NSMCE2: variants seen among roughly 807,000 people sequenced by gnomAD.
The protein encoded by NSMCE2 is NSE2 SUMO ligase component of SMC5/6 complex, also known as E3 SUMO-protein ligase NSE2.
Under a neutral mutation model 23.8 loss-of-function variants are expected in NSMCE2, and 24 were observed. The ratio of observed to expected loss-of-function variants is 1.01; its 90% CI spans 0.73 to 1.42. The LOEUF (loss-of-function observed/expected upper bound fraction) is 1.42. Among genes scored for constraint, NSMCE2 ranks in the 40% most tolerant of loss-of-function variants. The pLI is 0.00. For synonymous variants in NSMCE2, 92 were observed against 94.1 expected, an observed-to-expected ratio of 0.98 and a Z score of 0.13; for missense variants, 284 against 296.5, an observed-to-expected ratio of 0.96 and a Z score of 0.31.
intron 5 of NSMCE2, among the ~76,000 whole-genome samples, chr8:125,334,062 T>G (rs767692437): frequency 1.3e-5 from 2 of 152,150 alleles, no homozygotes; most frequent in Non-Finnish European, 2.9e-5. Context: ...TGTCTGTACT[T>G]TCTCATCTGT....
intron 5 of NSMCE2, among the ~76,000 whole-genome samples, chr8:125,306,681 G>C (rs779851721): frequency 5.6e-4 from 85 of 152,116 alleles, no homozygotes; most frequent in Non-Finnish European, 1.1e-3. Flanking sequence ...GAATAACCCA[G>C]TCTCAATTTA....
intron 5 of NSMCE2, among the ~76,000 whole-genome samples, chr8:125,326,062 C>A (rs6651234): frequency 0.11 from 17,195 of 152,078 alleles, 1,024 homozygotes; most frequent in Non-Finnish European, 0.13. Flanking sequence ...TCGAGACCAT[C>A]CTGGATAACA....
chr8:125,267,003 C>CTTTTTTTTTT (rs35990794), intron 5 of NSMCE2, among the ~76,000 whole-genome samples: 3 of 111,988 alleles, frequency 2.7e-5, no homozygotes, highest in Admixed American at 1.1e-4. Flanking sequence ...TTTTTTCTTT[C>CTTTTTTTTTT]TTTTTTTTTT....
At chr8:125,276,468 A>G (rs946080831) in intron 5 of NSMCE2, among the ~76,000 whole-genome samples, 1 of 152,084 alleles carries the variant, frequency 6.6e-6, no homozygotes, top group Non-Finnish European at 1.5e-5. Context: ...TTTTTCTCAC[A>G]CTAATTTTTC....
At chr8:125,343,961 G>A (rs187518260) in intron 5 of NSMCE2, among the ~76,000 whole-genome samples, 48 of 152,282 alleles carry the variant, frequency 3.2e-4, no homozygotes, top group Admixed American at 5.2e-4. Context: ...AGCCGAGATC[G>A]CGCCACTGCA....
At chr8:125,235,572 G>A (rs1052125573) in intron 5 of NSMCE2, among the ~76,000 whole-genome samples, 1 of 151,762 alleles carries the variant, frequency 6.6e-6, no homozygotes. Context: ...ATAGATACAT[G>A]GAGTTATATT....
intron 5 of NSMCE2, among the ~76,000 whole-genome samples, chr8:125,322,737 C>T (rs1326195395): frequency 6.6e-6 from 1 of 152,198 alleles, no homozygotes. Flanking sequence ...GCTGCTAGAA[C>T]TAATACGTGA....
intron 3 of NSMCE2, among the ~76,000 whole-genome samples, chr8:125,123,336 A>G (rs1347074745): frequency 6.6e-6 from 1 of 152,182 alleles, no homozygotes; most frequent in African/African-American, 2.4e-5. Flanking sequence ...TTAGTTCCAC[A>G]ATATTTACTA....
chr8:125,108,927 A>G (rs1308270761), intron 3 of NSMCE2, among the ~76,000 whole-genome samples: 2 of 152,224 alleles, frequency 1.3e-5, no homozygotes, highest in African/African-American at 4.8e-5. Context: ...TTTGAACCTT[A>G]TCATTGGAAG....
chr8:125,106,100 A>C (rs963266520), intron 3 of NSMCE2, among the ~76,000 whole-genome samples: 5 of 152,114 alleles, frequency 3.3e-5, no homozygotes, highest in Non-Finnish European at 7.4e-5. Context: ...AGTCAAAATA[A>C]CAAAGTAGTC....
intron 4 of NSMCE2, among the ~76,000 whole-genome samples, chr8:125,166,822 A>G (rs1821903504): frequency 6.6e-6 from 1 of 152,186 alleles, no homozygotes; most frequent in African/African-American, 2.4e-5. Context: ...ACTTAGCACT[A>G]TTCCATCTCC....
rs150898484 is a variant in NSMCE2 at position 125,287,806 on chromosome 8, G to T, written c.419-69413G>T. Among the ~76,000 whole-genome samples, 333 of 152,192 alleles carry T rather than the reference G, an allele frequency of 2.2e-3. 1 individual carries two copies. Among genetic ancestry groups the T allele is most frequent in the African/African-American group, 7.3e-3 (304 of 41,528 alleles). Reference sequence around the variant, plus strand: ...GCCCGATCTCTTCCACCATTCCAGTGAATCCTCTCTGCAGAATATCTCCAG... The same window carrying T: ...GCCCGATCTCTTCCACCATTCCAGTTAATCCTCTCTGCAGAATATCTCCAG... On this transcript the variant is annotated intron_variant, in intron 5 of 7. Transcript: ENST00000287437.
chr8:125,311,421 T>C (rs763876985), intron 5 of NSMCE2, among the ~76,000 whole-genome samples: 1 of 152,228 alleles, frequency 6.6e-6, no homozygotes, highest in Non-Finnish European at 1.5e-5. Flanking sequence ...CCTTGGACTT[T>C]CAAAAACATA....
At chr8:125,110,762 GTTTTTTTTTTTTTT>G (rs1017002301) in intron 3 of NSMCE2, among the ~76,000 whole-genome samples, 3 of 41,826 alleles carry the variant, frequency 7.2e-5, no homozygotes, top group African/African-American at 1.1e-4. Context: ...GGTTGTTGTT[GTTTTTTTTTTTTTT>G]TTTTTTTTTT....
At chr8:125,231,121 G>A (rs920119850) in intron 5 of NSMCE2, among the ~76,000 whole-genome samples, 3 of 152,062 alleles carry the variant, frequency 2.0e-5, no homozygotes, top group East Asian at 1.9e-4. Flanking sequence ...GAAATACTTA[G>A]GACTGTTAAC....
chr8:125,275,412 G>A lies in NSMCE2; in HGVS notation c.419-81807G>A, dbSNP rs1399137274. 4.6e-5 allele frequency among the ~76,000 whole-genome samples: 7 copies of A among 152,184 alleles called. No homozygotes were observed. In the East Asian group the frequency reaches 1.3e-3, roughly 29 times the overall value. On this transcript the variant is annotated intron_variant, in intron 5 of 7. Coordinates refer to ENST00000287437, the MANE Select transcript of NSMCE2 (RefSeq NM_173685.4). ...GTGGGCTATGAACTCCACTAGAGAA[G>A]TGCCACTCTTTATTCTTCCCTGTAC...
intron 5 of NSMCE2, among the ~76,000 whole-genome samples, chr8:125,289,066 A>G (rs563578105): frequency 6.6e-6 from 1 of 152,312 alleles, no homozygotes; most frequent in East Asian, 1.9e-4. Context: ...TGGGATTTAC[A>G]GGCATGTGCC....
intron 3 of NSMCE2, among the ~76,000 whole-genome samples, chr8:125,150,459 A>T (rs1586519192): frequency 5.4e-5 from 4 of 73,752 alleles, no homozygotes; most frequent in African/African-American, 1.1e-4. Context: ...TTTGAGATGG[A>T]GTCTCACTCT....
chr8:125,208,497 T>C (rs1450301554), intron 5 of NSMCE2, among the ~76,000 whole-genome samples: 1 of 152,232 alleles, frequency 6.6e-6, no homozygotes, highest in Non-Finnish European at 1.5e-5. Context: ...GGACTATGCT[T>C]TAATCAAAGG....
Sources: allele counts gnomAD v4.1 joint callset (sites outside exome capture counted in the v4.1 genomes callset), GRCh38; gene constraint gnomAD v4.1.1; transcripts MANE v1.5; gene names NCBI Gene and HGNC (gene_info 2026-07-23, HGNC 2026-07-21).